ATP7A: variants seen among roughly 807,000 people sequenced by gnomAD.
ATP7A encodes the protein ATPase copper transporting alpha, also known as copper-transporting ATPase 1.
In ATP7A, 7 loss-of-function variants were observed where a neutral mutation model predicts 83.5. The observed-to-expected ratio is 0.08, with a 90% CI of 0.05 to 0.16. ATP7A has a LOEUF of 0.16. Among genes scored for constraint, ATP7A ranks in the 10% least tolerant of loss-of-function variants. The pLI, the probability that ATP7A is intolerant of heterozygous loss-of-function variation, is 1.00. For missense variants in ATP7A, 940 were observed against 1,120.8 expected (o/e 0.84, Z 2.30); for synonymous variants, 354 against 395.2 (o/e 0.90, Z 1.24).
Position 78,009,082 on chromosome X carries a change from A to G in ATP7A, c.1708-20A>G, listed in dbSNP as rs1557234072. 1 of 1,207,929 alleles carries G rather than the reference A, an allele frequency of 8.3e-7. No individual in the cohort carries two copies. The highest frequency in any genetic ancestry group is 1.1e-6 in the Non-Finnish European group (1 of 892,590). On this transcript the variant is annotated intron_variant, in intron 6 of 22. Transcript: ENST00000341514. The stretch of plus-strand genomic sequence containing the variant: ...TGGAAAAAGTATATTCCTGAAGAAC[A>G]AATGCTTTGTCTTTAACAGGTGAGG...
At chrX:78,040,206 C>G (rs1420646961) in intron 18 of ATP7A, among the ~76,000 whole-genome samples, 7 of 102,920 alleles carry the variant, frequency 6.8e-5, no homozygotes, top group East Asian at 6.6e-4. Flanking sequence ...TCTGCCCCCC[C>G]CCCCTTACCT....
chrX:77,980,761 C>T (rs782119271), intron 2 of ATP7A, among the ~76,000 whole-genome samples: 16 of 111,067 alleles, frequency 1.4e-4, no homozygotes, highest in African/African-American at 3.3e-4. Flanking sequence ...CTCCGCCACC[C>T]GGGTTCAACT....
At chrX:78,010,390 C>T (rs376144110) in intron 7 of ATP7A, among the ~76,000 whole-genome samples, 9 of 111,627 alleles carry the variant, frequency 8.1e-5, no homozygotes, top group East Asian at 5.6e-4. Context: ...TTTCCCCTAG[C>T]AGTTGGAAAT....
intron 7 of ATP7A, among the ~76,000 whole-genome samples, chrX:78,009,831 C>T (rs186452102): frequency 5.4e-4 from 60 of 111,852 alleles, no homozygotes; most frequent in Non-Finnish European, 1.0e-3. Flanking sequence ...TGTGGTGCCA[C>T]GCACCCATAG....
intron 12 of ATP7A, among the ~76,000 whole-genome samples, chrX:78,018,256 G>C (rs1557235397): frequency 1.9e-5 from 2 of 107,710 alleles, no homozygotes; most frequent in Non-Finnish European, 3.8e-5. Flanking sequence ...TGTAATCCCA[G>C]CACTTTGGGA....
chrX:78,021,141 T>C (rs2077903367), intron 14 of ATP7A, 62 bp downstream of exon 14: 1 of 1,076,562 alleles, frequency 9.3e-7, no homozygotes, highest in African/African-American at 1.8e-5. Flanking sequence ...TTTGCATTAG[T>C]AATTCATTGG....
At chrX:77,934,821 A>G (rs143045400) in intron 1 of ATP7A, among the ~76,000 whole-genome samples, 69 of 110,130 alleles carry the variant, frequency 6.3e-4, no homozygotes, top group African/African-American at 2.2e-3. Context: ...GGGGTGGTCA[A>G]TGTTTATGAG....
intron 1 of ATP7A, among the ~76,000 whole-genome samples, chrX:77,948,406 G>T (rs2077395829): frequency 8.9e-6 from 1 of 112,038 alleles, no homozygotes; most frequent in Non-Finnish European, 1.9e-5. Flanking sequence ...GATTACAGGC[G>T]TGAGCCACCG....
intron 4 of ATP7A, among the ~76,000 whole-genome samples, chrX:77,994,229 C>T (rs1569549650): frequency 9.1e-6 from 1 of 110,487 alleles, no homozygotes. Flanking sequence ...CCATGCCCGG[C>T]TAATTTTTGT....
chrX:78,014,850 A>G lies in ATP7A; in HGVS notation c.2498+97A>G, dbSNP rs2077850884. On this transcript the variant is annotated intron_variant, in intron 11 of 22. Transcript: ENST00000341514. ...AGAAAAAGGACTATCATGAATTCAC[A>G]TAATCTGTCTCCCAGATATAAAAAT... 3 of 613,096 alleles carry G rather than the reference A, an allele frequency of 4.9e-6. No individual in the cohort carries two copies. In the Admixed American group the frequency reaches 8.4e-5, roughly 17 times the overall value. The allele number at this position is 613,096 out of a possible 1,213,427, so 50.5% of individuals were successfully genotyped here. A position where few individuals can be genotyped will look rare whatever the true frequency, so the allele number is the denominator to read the frequency against.
intron 6 of ATP7A, among the ~76,000 whole-genome samples, chrX:78,008,260 G>T (rs895233804): frequency 1.8e-5 from 2 of 111,646 alleles, no homozygotes; most frequent in African/African-American, 6.5e-5. Flanking sequence ...ATGCCCTTTG[G>T]TCAATTTCCA....
intron 18 of ATP7A, among the ~76,000 whole-genome samples, chrX:78,039,538 T>C (rs2078034369): frequency 9.0e-6 from 1 of 111,333 alleles, no homozygotes; most frequent in Non-Finnish European, 1.9e-5. Context: ...TTCACCATCT[T>C]GGCCAGGCTG....
chrX:78,009,128 C>T lies in ATP7A; in HGVS notation c.1734C>T (p.Cys578=), dbSNP rs72554638. The T allele has an allele frequency of 1.9e-5, 23 of 1,208,098 alleles. No homozygotes were observed. The highest frequency in any genetic ancestry group is 1.4e-4 in the South Asian group (8 of 56,715). Residue 578 remains cysteine, a synonymous_variant, in exon 7 of 23, where the codon TGC becomes TGT. Coordinates refer to ENST00000341514, the MANE Select transcript of ATP7A (RefSeq NM_000052.7). ...LVVRGMTCAS[C]VHKIESSLTK... ...TGAGGGGAATGACGTGTGCCTCCTG[C>T]GTACATAAAATAGAGTCTAGTCTCA...
chrX:77,970,665 T>TCAAAAA (rs373778439), intron 1 of ATP7A, among the ~76,000 whole-genome samples: 120 of 110,547 alleles, frequency 1.1e-3, no homozygotes, highest in African/African-American at 2.7e-3. Context: ...GAATTGAGTC[T>TCAAAAA]CAAAAACAAA....
chrX:77,998,633 A>G lies in ATP7A; in HGVS notation c.1492A>G (p.Thr498Ala). The stretch of plus-strand genomic sequence containing the variant: ...GTGTTACATACAGGTCACTGGCATG[A>G]CTTGCGCTTCCTGTGTAGCAAACAT... ...SKCYIQVTGMTCASCVANIER... is the reference protein window; with the variant it reads ...SKCYIQVTGMACASCVANIER... The change falls in exon 5 of 23, where the codon ACT becomes GCT. Residue 498 changes from threonine (T) to alanine (A), a missense_variant. Thr to Ala is a moderately conservative substitution (Grantham distance 58, BLOSUM62 0). Coordinates refer to ENST00000341514, the MANE Select transcript of ATP7A (RefSeq NM_000052.7). 1.7e-6 allele frequency: 2 copies of G among 1,212,068 alleles called. No homozygotes were observed. The highest frequency in any genetic ancestry group is 2.2e-6 in the Non-Finnish European group (2 of 895,615).
intron 5 of ATP7A, among the ~76,000 whole-genome samples, chrX:77,999,690 G>A (rs1430630037): frequency 1.8e-5 from 2 of 111,129 alleles, no homozygotes; most frequent in African/African-American, 6.6e-5. Flanking sequence ...GATCGCCTGA[G>A]GTCAGGAGTT....
rs2077849037 is a variant in ATP7A at position 78,014,592 on chromosome X, ATTTTTATTTTAGTTAAGACCTGAACTTT to A, written c.2407-67_2407-40del. The A allele has an allele frequency of 3.7e-6, 3 of 804,477 alleles. No homozygotes were observed. In the Admixed American group the frequency reaches 7.1e-5, roughly 19 times the overall value. The allele number at this position is 804,477 out of a possible 1,213,427, so 66.3% of individuals were successfully genotyped here. On this transcript the variant is annotated intron_variant, in intron 10 of 22. Coordinates refer to ENST00000341514, the MANE Select transcript of ATP7A (RefSeq NM_000052.7). ...CTTTTGGGTAAATGCTAAAGATTGT[ATTTTTATTTTAGTTAAGACCTGAACTTT>A]TTCTTCCTTAGCATTTTCAATGTGT...
At chrX:77,981,649 A>T (rs2077605995) in intron 2 of ATP7A, among the ~76,000 whole-genome samples, 1 of 111,610 alleles carries the variant, frequency 9.0e-6, no homozygotes, top group South Asian at 3.7e-4. Context: ...GTCTTTTAAA[A>T]AGAAAGAGAG....
Position 77,983,734 on chromosome X carries a change from T to A in ATP7A, c.121-4508T>A, listed in dbSNP as rs144948584. Among the ~76,000 whole-genome samples, 837 of 110,939 alleles carry A rather than the reference T, an allele frequency of 7.5e-3. 11 individuals carry two copies. Among genetic ancestry groups the A allele is most frequent in the African/African-American group, 0.026 (807 of 30,489 alleles). ...TTTTTTTTCCGAGACGGAGTTTCAC[T>A]CTCTTGTCCAGGCTGGAGTGCAGTG... On this transcript the variant is annotated intron_variant, in intron 2 of 22. Coordinates refer to ENST00000341514, the MANE Select transcript of ATP7A (RefSeq NM_000052.7).
Sources: allele counts gnomAD v4.1 joint callset (sites outside exome capture counted in the v4.1 genomes callset), GRCh38; gene constraint gnomAD v4.1.1; transcripts MANE v1.5; gene names NCBI Gene and HGNC (gene_info 2026-07-23, HGNC 2026-07-21).